Variants in KIF6 observed in about 807,000 individuals in gnomAD.
KIF6 encodes the protein kinesin family member 6.
Under a neutral mutation model 112.7 loss-of-function variants are expected in KIF6, and 106 were observed. The ratio of observed to expected loss-of-function variants is 0.94; its 90% CI spans 0.80 to 1.11. KIF6 has a LOEUF of 1.11. Among genes scored for constraint, KIF6 ranks in the 50% least tolerant of loss-of-function variants. The pLI is 0.00. For synonymous variants in KIF6, 339 were observed against 339.9 expected (o/e 1.00, Z 0.03); for missense variants, 929 against 964.0 (o/e 0.96, Z 0.48).
At chr6:39,576,094 TACAGG>T (rs1780959161) in intron 10 of KIF6, among the ~76,000 whole-genome samples, 1 of 152,122 alleles carries the variant, frequency 6.6e-6, no homozygotes, top group South Asian at 2.1e-4. Flanking sequence ...CTGAAAAACA[TACAGG>T]ATACACAGGA....
chr6:39,687,259 T>C (rs1787930396), intron 3 of KIF6, among the ~76,000 whole-genome samples: 1 of 152,110 alleles, frequency 6.6e-6, no homozygotes, highest in South Asian at 2.1e-4. Flanking sequence ...GACAACAAAA[T>C]GACGACTACA....
chr6:39,535,171 C>A (rs1778345110), intron 13 of KIF6, among the ~76,000 whole-genome samples: 1 of 152,104 alleles, frequency 6.6e-6, no homozygotes. Context: ...GCAAAATAAC[C>A]AGCTGACATC....
chr6:39,669,608 A>G (rs1255179452), intron 3 of KIF6, among the ~76,000 whole-genome samples: 1 of 152,238 alleles, frequency 6.6e-6, no homozygotes, highest in Admixed American at 6.5e-5. Context: ...ATAAACTCTC[A>G]GGTTTTTTCT....
At chr6:39,336,688 G>T in intron 22 of KIF6, 140 bp from the exon 23 acceptor site, 1 of 747,244 alleles carries the variant, frequency 1.3e-6, no homozygotes. Context: ...CCTCCCAGGA[G>T]CTGCATTTAT....
At chr6:39,666,088 C>G (rs1038129403) in intron 3 of KIF6, among the ~76,000 whole-genome samples, 4 of 152,198 alleles carry the variant, frequency 2.6e-5, no homozygotes, top group African/African-American at 9.7e-5. Context: ...GAATGTCATA[C>G]AGGCAAATCA....
At chr6:39,596,312 G>C (rs368637193) in intron 6 of KIF6, 52 bp from the exon 7 acceptor site, 1 of 1,203,586 alleles carries the variant, frequency 8.3e-7, no homozygotes. Context: ...AATTTTTAAA[G>C]AATATCAAAA....
At chr6:39,603,806 T>C (rs931954808) in intron 6 of KIF6, among the ~76,000 whole-genome samples, 7 of 152,120 alleles carry the variant, frequency 4.6e-5, no homozygotes, top group African/African-American at 7.2e-5. Context: ...CTGTATATCA[T>C]ATTAAAAATT....
intron 14 of KIF6, among the ~76,000 whole-genome samples, chr6:39,424,324 C>G (rs79045623): frequency 0.013 from 1,977 of 152,326 alleles, 43 homozygotes; most frequent in African/African-American, 0.045. Flanking sequence ...CCCCAGCACC[C>G]TGCACTTCTG....
intron 13 of KIF6, among the ~76,000 whole-genome samples, chr6:39,439,603 A>G (rs1462618719): frequency 6.6e-6 from 1 of 152,222 alleles, no homozygotes; most frequent in Non-Finnish European, 1.5e-5. Context: ...AATGGTAGTC[A>G]ACAAGGGGCT....
chr6:39,675,097 A>G (rs1787054212), intron 3 of KIF6, among the ~76,000 whole-genome samples: 1 of 152,056 alleles, frequency 6.6e-6, no homozygotes, highest in East Asian at 1.9e-4. Context: ...ATTTGCAAAA[A>G]TGTAAGGAAA....
Position 39,451,034 on chromosome 6 carries a change from T to G in KIF6, c.1646-19873A>C, listed in dbSNP as rs368499852. Among the ~76,000 whole-genome samples, 14 of 152,324 alleles carry G rather than the reference T, an allele frequency of 9.2e-5. 1 individual carries two copies. The East Asian group carries it at 2.5e-3, about 27-fold the overall frequency. ...GATAATATTCACCATTGTAGTCCAT[T>G]CTCTAATGCTGGATTTTACATTGCT... On this transcript the variant is annotated intron_variant, in intron 13 of 22. Transcript: ENST00000287152.
intron 3 of KIF6, among the ~76,000 whole-genome samples, chr6:39,700,896 TAG>T (rs1362060803): frequency 6.6e-6 from 1 of 152,046 alleles, no homozygotes; most frequent in Non-Finnish European, 1.5e-5. Context: ...TATTTTTTAG[TAG>T]AGACAGGGCC....
At chr6:39,712,481 C>T (rs764015282) in intron 3 of KIF6, among the ~76,000 whole-genome samples, 33 of 152,096 alleles carry the variant, frequency 2.2e-4, no homozygotes, top group Non-Finnish European at 3.1e-4. Flanking sequence ...GAGTTTATCA[C>T]ATCAGTGAAT....
intron 10 of KIF6, among the ~76,000 whole-genome samples, chr6:39,570,049 GCTTTTATTAGTACAAATATGTT>G (rs1277208402): frequency 3.3e-5 from 5 of 152,188 alleles, no homozygotes; most frequent in Admixed American, 6.5e-5. Flanking sequence ...CATCAATGAA[GCTTTTATTAGTACAAATATGTT>G]CTTTTGAAAC....
At chr6:39,431,223 T>G (rs1379214951) in intron 13 of KIF6, 62 bp from the exon 14 acceptor site, 1 of 974,284 alleles carries the variant, frequency 1.0e-6, no homozygotes, top group East Asian at 2.5e-5. Flanking sequence ...AATTTCATTG[T>G]CACTTCAGTC....
At chr6:39,403,615 C>T (rs1329486145) in intron 15 of KIF6, among the ~76,000 whole-genome samples, 2 of 152,204 alleles carry the variant, frequency 1.3e-5, no homozygotes, top group Non-Finnish European at 2.9e-5. Context: ...CCCTTACAAA[C>T]ATCTGCATAC....
chr6:39,478,015 G>A (rs1207139566), intron 13 of KIF6, among the ~76,000 whole-genome samples: 1 of 151,782 alleles, frequency 6.6e-6, no homozygotes, highest in African/African-American at 2.4e-5. Flanking sequence ...TTGTTTTTTG[G>A]ATTTTATTAC....
At chr6:39,476,501 A>G (rs983234559) in intron 13 of KIF6, among the ~76,000 whole-genome samples, 1 of 152,208 alleles carries the variant, frequency 6.6e-6, no homozygotes, top group Non-Finnish European at 1.5e-5. Context: ...ACTCCAGCCA[A>G]TGATGGCCTG....
At chr6:39,654,802 G>C (rs1028017018) in intron 3 of KIF6, among the ~76,000 whole-genome samples, 1 of 152,054 alleles carries the variant, frequency 6.6e-6, no homozygotes, top group Admixed American at 6.5e-5. Context: ...TGCGCAATTT[G>C]TTCACTCAAC....
Sources: gnomAD v4.1 joint callset for allele counts (sites outside exome capture counted in the v4.1 genomes callset) on GRCh38, gnomAD v4.1.1 for gene constraint, MANE v1.5 for transcripts, NCBI Gene and HGNC (gene_info 2026-07-23, HGNC 2026-07-21) for gene names.